The following CNTNAP2 variants were observed in gnomAD, a reference collection of about 807,000 sequenced individuals.
CNTNAP2 encodes the protein contactin associated protein 2, also known as contactin-associated protein-like 2.
In CNTNAP2, 98 loss-of-function variants were observed where a neutral mutation model predicts 155.2. The observed-to-expected ratio is 0.63, with a 90% CI of 0.54 to 0.75. The LOEUF is 0.75. CNTNAP2 is among the 30% of genes least tolerant of loss of function. The pLI is 0.00. For missense variants in CNTNAP2, 1,727 were observed against 1,688.1 expected, an observed-to-expected ratio of 1.02 and a Z score of -0.40; for synonymous variants, 651 against 631.2, an observed-to-expected ratio of 1.03 and a Z score of -0.47.
chr7:148,019,765 T>C (rs752458077), intron 15 of CNTNAP2, among the ~76,000 whole-genome samples: 28 of 151,450 alleles, frequency 1.8e-4, no homozygotes, highest in Non-Finnish European at 3.2e-4. Context: ...TCTCAGGGTA[T>C]TCTTTTTTTG....
chr7:147,084,451 T>C (rs895305068), intron 4 of CNTNAP2, among the ~76,000 whole-genome samples: 2 of 139,514 alleles, frequency 1.4e-5, no homozygotes, highest in Non-Finnish European at 1.5e-5. Context: ...AATACATATA[T>C]GCATAATGCT....
At chr7:148,333,847 A>C (rs1286974756) in intron 21 of CNTNAP2, among the ~76,000 whole-genome samples, 1 of 151,552 alleles carries the variant, frequency 6.6e-6, no homozygotes, top group Non-Finnish European at 1.5e-5. Flanking sequence ...ACAGCAAGGA[A>C]TGCCAGTGTT....
At chr7:146,499,376 TCACTAATCTATAAACCAAATCTATAATTC>T (rs1298491966) in intron 1 of CNTNAP2, among the ~76,000 whole-genome samples, 1 of 152,116 alleles carries the variant, frequency 6.6e-6, no homozygotes, top group Non-Finnish European at 1.5e-5. Context: ...AGACCGGGTT[TCACTAATCTATAAACCAAATCTATAATTC>T]CACTAATCTA....
At chr7:146,622,070 T>A (rs1306899816) in intron 1 of CNTNAP2, among the ~76,000 whole-genome samples, 1 of 151,884 alleles carries the variant, frequency 6.6e-6, no homozygotes, top group Non-Finnish European at 1.5e-5. Context: ...CACTACAGAG[T>A]TTTTGAAAAG....
At chr7:147,594,944 G>A (rs949319293) in intron 12 of CNTNAP2, among the ~76,000 whole-genome samples, 3 of 152,048 alleles carry the variant, frequency 2.0e-5, no homozygotes, top group Non-Finnish European at 4.4e-5. Context: ...GAGGAGATAG[G>A]AAGAGAAAGG....
chr7:147,292,622 G>A (rs542676171), intron 8 of CNTNAP2, among the ~76,000 whole-genome samples: 1 of 152,118 alleles, frequency 6.6e-6, no homozygotes, highest in Non-Finnish European at 1.5e-5. Flanking sequence ...AACTTTAAAA[G>A]CTCCCCCAAA....
chr7:146,996,565 C>T (rs1563037118), intron 3 of CNTNAP2, among the ~76,000 whole-genome samples: 1 of 152,002 alleles, frequency 6.6e-6, no homozygotes, highest in Non-Finnish European at 1.5e-5. Context: ...TAATTTTTAT[C>T]CTGCACCTTT....
chr7:146,907,924 C>T (rs1796175358), intron 3 of CNTNAP2, among the ~76,000 whole-genome samples: 1 of 152,142 alleles, frequency 6.6e-6, no homozygotes. Flanking sequence ...TGCAGAGACA[C>T]ACATAGGCTC....
intron 2 of CNTNAP2, among the ~76,000 whole-genome samples, chr7:146,807,171 T>A (rs1802983161): frequency 6.6e-6 from 1 of 152,310 alleles, no homozygotes; most frequent in African/African-American, 2.4e-5. Flanking sequence ...AAATTACTCA[T>A]AATCTTACAA....
chr7:146,622,863 A>G (rs1799351914), intron 1 of CNTNAP2, among the ~76,000 whole-genome samples: 1 of 151,866 alleles, frequency 6.6e-6, no homozygotes, highest in Admixed American at 6.6e-5. Flanking sequence ...AGGCTGAGAC[A>G]GGAGAATTGC....
chr7:147,198,447 G>A (rs112969211), intron 8 of CNTNAP2, among the ~76,000 whole-genome samples: 2,051 of 152,162 alleles, frequency 0.013, 40 homozygotes, highest in African/African-American at 0.047. Context: ...GGTCAGGCTG[G>A]TCTTGAATTC....
chr7:147,045,855 TACAC>T (rs896659126), intron 4 of CNTNAP2, among the ~76,000 whole-genome samples: 1 of 151,496 alleles, frequency 6.6e-6, no homozygotes, highest in Admixed American at 6.6e-5. Context: ...CACATATACA[TACAC>T]ACACACACAT....
At chr7:147,157,503 A>T (rs1801949366) in intron 8 of CNTNAP2, among the ~76,000 whole-genome samples, 1 of 152,110 alleles carries the variant, frequency 6.6e-6, no homozygotes, top group South Asian at 2.1e-4. Context: ...ACCAGGGTTG[A>T]GGTGCTTCCT....
chr7:147,444,954 G>A (rs983700821), intron 10 of CNTNAP2, among the ~76,000 whole-genome samples: 9 of 152,124 alleles, frequency 5.9e-5, no homozygotes, highest in East Asian at 1.9e-4. Context: ...AAACAAGCAC[G>A]TCTTCACATG....
chr7:148,011,503 A>G (rs1802080289), intron 15 of CNTNAP2, among the ~76,000 whole-genome samples: 1 of 152,148 alleles, frequency 6.6e-6, no homozygotes, highest in African/African-American at 2.4e-5. Context: ...TTGAGGGTTT[A>G]GAGGGTTTTT....
chr7:148,012,365 A>G (rs575798265), intron 15 of CNTNAP2, among the ~76,000 whole-genome samples: 140 of 152,362 alleles, frequency 9.2e-4, no homozygotes, highest in African/African-American at 3.2e-3. Context: ...TCATAATACC[A>G]GGATAGAAAG....
intron 3 of CNTNAP2, among the ~76,000 whole-genome samples, chr7:146,857,238 T>G (rs1373317465): frequency 2.0e-5 from 3 of 150,418 alleles, no homozygotes; most frequent in Admixed American, 6.6e-5. Flanking sequence ...AGAGAGAGAA[T>G]GATAAACCAC....
At chr7:147,656,206 A>T (rs1795523068) in intron 13 of CNTNAP2, among the ~76,000 whole-genome samples, 1 of 152,166 alleles carries the variant, frequency 6.6e-6, no homozygotes, top group Admixed American at 6.5e-5. Context: ...AGACCACTAA[A>T]ACTTTCTCCA....
rs745938929 is a variant in CNTNAP2, at chr7:148,172,325, G to C, written c.2857G>C (p.Ala953Pro). The change falls in exon 18 of 24, where the codon GCA becomes CCA. Residue 953 changes from alanine (A) to proline (P), a missense_variant. Physicochemically the swap from Ala to Pro is conservative, Grantham distance 27. Coordinates refer to ENST00000361727, the MANE Select transcript of CNTNAP2 (RefSeq NM_014141.6). ...NGVTLDLEERAKVTSGFISGC... is the reference protein window; with the variant it reads ...NGVTLDLEERPKVTSGFISGC... ...GGTGACACTTGACCTGGAGGAAAGA[G>C]CAAAGGTCACATCTGGGTTCATATC... 1.2e-6 allele frequency: 2 copies of C among 1,614,190 alleles called. No individual in the cohort carries two copies. The highest frequency in any genetic ancestry group is 1.7e-6 in the Non-Finnish European group (2 of 1,180,040).
Sources: gnomAD v4.1 joint callset for allele counts (sites outside exome capture counted in the v4.1 genomes callset) on GRCh38, gnomAD v4.1.1 for gene constraint, MANE v1.5 for transcripts, NCBI Gene and HGNC (gene_info 2026-07-23, HGNC 2026-07-21) for gene names.